ACSS1: variants seen among roughly 807,000 people sequenced by gnomAD.
ACSS1 encodes acyl-CoA synthetase short chain family member 1, also known as acetyl-coenzyme A synthetase 2-like, mitochondrial.
In ACSS1, 42 loss-of-function variants were observed where a neutral mutation model predicts 75.3. The observed-to-expected ratio is 0.56, with a 90% CI of 0.44 to 0.72. The LOEUF is 0.72. ACSS1 is among the 30% of genes least tolerant of loss of function. The probability of loss-of-function intolerance (pLI) is 0.00; values close to 1 mark genes in which losing one functional copy is unlikely to be tolerated. For synonymous variants in ACSS1, 380 were observed against 376.8 expected, an observed-to-expected ratio of 1.01 and a Z score of -0.10; for missense variants, 782 against 935.7, an observed-to-expected ratio of 0.84 and a Z score of 2.14.
In ACSS1 at chr20:25,023,064, G is replaced by A. The variant is rs776057699; in HGVS notation, c.836C>T (p.Ala279Val). Residue 279 changes from alanine (A) to valine (V), a missense_variant, in exon 5 of 14, where the codon GCC (alanine) becomes GTC (valine). Coordinates refer to ENST00000323482, the MANE Select transcript of ACSS1 (RefSeq NM_032501.4). ...GTCCTCACTGCCCATGCTCTCTGGG[G>A]CGCAAACAGGGTCCTCCTTGGCCAT... Reference protein sequence around the residue: ...QEMAKEDPVCAPESMGSEDML... With the variant: ...QEMAKEDPVCVPESMGSEDML... 8 of 1,613,678 alleles carry A rather than the reference G, an allele frequency of 5.0e-6. No individual in the cohort carries two copies. The East Asian group carries it at 8.9e-5, about 18-fold the overall frequency.
chr20:25,032,284 C>T (rs2088839217), intron 2 of ACSS1: 21 of 1,188,782 alleles, frequency 1.8e-5, no homozygotes, highest in Admixed American at 3.8e-5. Context: ...GGCTCAGGGC[C>T]GACACGTGAC....
chr20:25,027,779 CA>C (rs78414153), intron 3 of ACSS1, among the ~76,000 whole-genome samples: 1,568 of 75,350 alleles, frequency 0.021, 17 homozygotes, highest in African/African-American at 0.067. Context: ...AGTGATCAGG[CA>C]AAAAAAAAAA....
At chr20:25,052,779 G>T (rs972606711) in intron 1 of ACSS1, among the ~76,000 whole-genome samples, 1 of 152,246 alleles carries the variant, frequency 6.6e-6, no homozygotes, top group Admixed American at 6.5e-5. Context: ...CAGCCAGGGC[G>T]CTCCATCTCG....
At chr20:25,014,767 T>C (rs1156805119) in intron 8 of ACSS1, among the ~76,000 whole-genome samples, 14 of 152,202 alleles carry the variant, frequency 9.2e-5, no homozygotes, top group Admixed American at 9.2e-4. Context: ...TCATCAGATG[T>C]TCCCCTGTTC....
Position 25,009,297 on chromosome 20 carries a change from G to A in ACSS1, c.1863C>T (p.Ala621=), listed in dbSNP as rs771200283. ...GGATCTCATCAGGCACAGCATATTT[G>A]GCGATCTTGGTGGCCACCATGGACT... The part of the protein sequence containing the change: ...ELKSMVATKI[A]KYAVPDEILV... Residue 621 remains alanine, a synonymous_variant, in exon 13 of 14, where the codon GCC becomes GCT. Transcript: ENST00000323482. The A allele has an allele frequency of 3.1e-6, 5 of 1,613,900 alleles. No individual in the cohort carries two copies. The Admixed American group carries it at 8.3e-5, about 27-fold the overall frequency.
intron 2 of ACSS1, among the ~76,000 whole-genome samples, chr20:25,044,424 C>T (rs140131595): frequency 1.6e-3 from 245 of 152,260 alleles, no homozygotes; most frequent in Middle Eastern, 6.8e-3. Context: ...CCAGGAGTTC[C>T]AGACCAACCT....
intron 1 of ACSS1, among the ~76,000 whole-genome samples, chr20:25,051,029 CA>C (rs1439264158): frequency 6.6e-6 from 1 of 152,194 alleles, no homozygotes; most frequent in Non-Finnish European, 1.5e-5. Context: ...AAGTGGCCAC[CA>C]AGGCCCCAAT....
intron 13 of ACSS1, 87 bp from the exon 14 acceptor site, chr20:25,008,028 G>C (rs1033091053): frequency 1.4e-6 from 2 of 1,472,070 alleles, no homozygotes; most frequent in South Asian, 2.7e-5. Context: ...GAAGGGCTCT[G>C]CTCAGGGGGG....
At chr20:25,020,640 C>G (rs1409427325) in intron 6 of ACSS1, among the ~76,000 whole-genome samples, 1 of 152,270 alleles carries the variant, frequency 6.6e-6, no homozygotes, top group Non-Finnish European at 1.5e-5. Flanking sequence ...ACATGGAACA[C>G]TGAGCTTCTA....
intron 2 of ACSS1, among the ~76,000 whole-genome samples, chr20:25,038,370 A>G (rs976455005): frequency 6.6e-6 from 1 of 152,198 alleles, no homozygotes; most frequent in African/African-American, 2.4e-5. Context: ...TGGCCTAATA[A>G]TAGGACCCAC....
intron 3 of ACSS1, among the ~76,000 whole-genome samples, chr20:25,029,132 C>T (rs756092480): frequency 2.6e-5 from 4 of 152,052 alleles, no homozygotes; most frequent in Non-Finnish European, 4.4e-5. Flanking sequence ...AATCATATAT[C>T]TGATAGAGGT....
chr20:25,007,987 C>G (rs1192098759), intron 13 of ACSS1, 46 bp from the exon 14 acceptor site: 2 of 1,600,186 alleles, frequency 1.2e-6, no homozygotes, highest in African/African-American at 1.3e-5. Context: ...GGTGCCCAGC[C>G]TCTGTGCTAG....
intron 13 of ACSS1, 119 bp downstream of exon 13, chr20:25,009,151 G>A (rs990034368): frequency 4.4e-6 from 4 of 917,800 alleles, no homozygotes; most frequent in Non-Finnish European, 6.9e-6. Context: ...AAACCAAACA[G>A]CTAGTGTCCG....
intron 7 of ACSS1, 50 bp downstream of exon 7, chr20:25,019,959 TG>T: frequency 6.2e-7 from 1 of 1,611,658 alleles, no homozygotes; most frequent in African/African-American, 1.3e-5. Flanking sequence ...GTATTGGCTC[TG>T]AGGGTCTAGG....
rs6050259 is a variant in ACSS1, at chr20:25,030,787, T to C, written c.603A>G (p.Ala201=). 468,889 of 1,614,078 alleles carry C rather than the reference T, an allele frequency of 0.29. 71,113 individuals are homozygous for C. The highest frequency in any genetic ancestry group is 0.34 in the Middle Eastern group (2,079 of 6,062). Residue 201 remains alanine (A), a synonymous_variant, in exon 3 of 14, where the codon GCA becomes GCG. Coordinates refer to ENST00000323482, the MANE Select transcript of ACSS1 (RefSeq NM_032501.4). ...CATTGATCCTCCCAGCCAAGGACTC[T>C]GCACTGAAGCCAGCAAAGATGACTG... ...VHTVIFAGFS[A]ESLAGRINDA...
At chr20:25,020,423 C>G (rs1447666563) in intron 6 of ACSS1, among the ~76,000 whole-genome samples, 4 of 152,220 alleles carry the variant, frequency 2.6e-5, no homozygotes, top group African/African-American at 9.6e-5. Context: ...TGGCCTAGTT[C>G]AAGGTGATAC....
At chr20:25,046,644 CA>C in intron 2 of ACSS1, 1 of 613,466 alleles carries the variant, frequency 1.6e-6, no homozygotes, top group South Asian at 1.9e-5. Flanking sequence ...AGAACTACTC[CA>C]GGGGCAGCAG....
intron 12 of ACSS1, chr20:25,011,044 A>G (rs955955004): frequency 6.6e-5 from 10 of 152,210 alleles, no homozygotes; most frequent in African/African-American, 2.2e-4. Context: ...GAAATCAGGA[A>G]AATGCACATC....
At chr20:25,036,407 C>T (rs2088908336) in intron 2 of ACSS1, among the ~76,000 whole-genome samples, 1 of 152,140 alleles carries the variant, frequency 6.6e-6, no homozygotes, top group Non-Finnish European at 1.5e-5. Flanking sequence ...ACTGCCTGAA[C>T]TCAGACGGTA....
Sources: gnomAD v4.1 joint callset for allele counts (sites outside exome capture counted in the v4.1 genomes callset) on GRCh38, gnomAD v4.1.1 for gene constraint, MANE v1.5 for transcripts, NCBI Gene and HGNC (gene_info 2026-07-23, HGNC 2026-07-21) for gene names.